Variants in HTR1F observed in about 807,000 individuals in gnomAD.
HTR1F encodes the protein 5-hydroxytryptamine receptor 1F.
HTR1F carries 17 observed loss-of-function variants against 24.0 expected under a neutral mutation model. The observed-to-expected ratio is 0.71, with a 90% CI of 0.48 to 1.06. The LOEUF (loss-of-function observed/expected upper bound fraction) is 1.06, where lower values mean the gene tolerates loss of function less well. Ranked by LOEUF, HTR1F falls within the 50% of genes least tolerant of loss-of-function variation. The pLI is 0.00. For synonymous variants in HTR1F, 186 were observed against 156.8 expected (o/e 1.19, Z -1.39); for missense variants, 391 against 427.8 (o/e 0.91, Z 0.76).
intron 1 of HTR1F, among the ~76,000 whole-genome samples, chr3:87,819,351 TG>T (rs1245580436): frequency 2.0e-5 from 3 of 151,936 alleles, no homozygotes. Flanking sequence ...TTTTTTTTTT[TG>T]CTTAACTTTG....
intron 2 of HTR1F, among the ~76,000 whole-genome samples, chr3:87,873,129 CACACAGAG>C (rs1575971557): frequency 8.9e-6 from 1 of 111,916 alleles, no homozygotes; most frequent in East Asian, 3.0e-4. Flanking sequence ...CACACACACA[CACACAGAG>C]AGATTTATGA....
At chr3:87,929,089 G>A (rs947880950) in intron 2 of HTR1F, among the ~76,000 whole-genome samples, 1 of 152,198 alleles carries the variant, frequency 6.6e-6, no homozygotes. Flanking sequence ...CATTTGATGA[G>A]TAAGAAATTA....
intron 1 of HTR1F, among the ~76,000 whole-genome samples, chr3:87,818,656 C>G (rs1704295218): frequency 2.0e-5 from 3 of 152,188 alleles, no homozygotes; most frequent in Admixed American, 2.0e-4. Flanking sequence ...TTGCTTCTCT[C>G]AAATTATGCT....
chr3:87,892,529 C>T (rs1412247548), intron 2 of HTR1F, among the ~76,000 whole-genome samples: 1 of 152,126 alleles, frequency 6.6e-6, no homozygotes, highest in East Asian at 1.9e-4. Flanking sequence ...ACTTCTCTGA[C>T]CTTCAGTTTT....
chr3:87,838,322 AT>A (rs1247727216), intron 2 of HTR1F, among the ~76,000 whole-genome samples: 1 of 152,020 alleles, frequency 6.6e-6, no homozygotes, highest in Non-Finnish European at 1.5e-5. Flanking sequence ...GTTGTCCTGT[AT>A]TCCACCCTTG....
chr3:87,928,829 A>G (rs991938579), intron 2 of HTR1F, among the ~76,000 whole-genome samples: 8 of 152,218 alleles, frequency 5.3e-5, no homozygotes, highest in African/African-American at 1.9e-4. Context: ...AAAAAGAAAT[A>G]TACATTTTGT....
intron 2 of HTR1F, among the ~76,000 whole-genome samples, chr3:87,910,780 C>T (rs1341620922): frequency 6.6e-6 from 1 of 152,026 alleles, no homozygotes; most frequent in African/African-American, 2.4e-5. Flanking sequence ...TACTCTTGGA[C>T]TCCAGTGCAA....
At chr3:87,980,576 G>A (rs2082226) in intron 2 of HTR1F, among the ~76,000 whole-genome samples, 35,976 of 152,078 alleles carry the variant, frequency 0.24, 5,337 homozygotes, top group Non-Finnish European at 0.33. Context: ...GACCATCCCT[G>A]GCTTGAACAT....
Position 87,845,172 on chromosome 3 carries a change from C to A in HTR1F, c.-43+23048C>A, listed in dbSNP as rs576550918. Among the ~76,000 whole-genome samples, 7 of 151,666 alleles carry A rather than the reference C, an allele frequency of 4.6e-5. No homozygotes were observed. In the East Asian group the frequency reaches 1.4e-3, roughly 29 times the overall value. On this transcript the variant is annotated intron_variant, in intron 2 of 2. Coordinates refer to ENST00000319595, the MANE Select transcript of HTR1F (RefSeq NM_001322209.2). ...GAAGCATTCCCTTTGAAAACTGGCA[C>A]AAGACAGGGATGCCCTCTCTCACCA...
intron 2 of HTR1F, among the ~76,000 whole-genome samples, chr3:87,881,030 T>G (rs890686019): frequency 6.6e-6 from 1 of 152,182 alleles, no homozygotes; most frequent in African/African-American, 2.4e-5. Context: ...ACGGGTGATT[T>G]CTGCATTTCC....
intron 2 of HTR1F, among the ~76,000 whole-genome samples, chr3:87,826,067 G>C (rs1307517356): frequency 6.6e-6 from 1 of 152,196 alleles, no homozygotes; most frequent in Non-Finnish European, 1.5e-5. Flanking sequence ...ATGCTCACTA[G>C]AGGATAATTT....
intron 2 of HTR1F, among the ~76,000 whole-genome samples, chr3:87,894,939 C>T (rs2932274): frequency 0.38 from 57,862 of 151,910 alleles, 15,519 homozygotes; most frequent in African/African-American, 0.77. Flanking sequence ...GTTAGCGTGA[C>T]GCCTGGCTCA....
chr3:87,884,461 C>T (rs1348970112), intron 2 of HTR1F, among the ~76,000 whole-genome samples: 2 of 152,142 alleles, frequency 1.3e-5, no homozygotes. Context: ...AAAGAACCAG[C>T]TAACATCATA....
intron 2 of HTR1F, among the ~76,000 whole-genome samples, chr3:87,973,838 C>T (rs144642621): frequency 2.8e-4 from 43 of 152,232 alleles, no homozygotes; most frequent in African/African-American, 8.2e-4. Flanking sequence ...GAAATACCGA[C>T]GGCACGCTTA....
intron 1 of HTR1F, among the ~76,000 whole-genome samples, chr3:87,804,713 C>T (rs538992055): frequency 2.0e-5 from 3 of 152,048 alleles, no homozygotes; most frequent in African/African-American, 7.2e-5. Flanking sequence ...AAATTTTCCC[C>T]TCTGTTGATG....
chr3:87,793,943 A>G (rs1479063393), intron 1 of HTR1F, among the ~76,000 whole-genome samples: 1 of 148,114 alleles, frequency 6.8e-6, no homozygotes, highest in Non-Finnish European at 1.5e-5. Context: ...TTACAATTTG[A>G]TTAAATTTTA....
At chr3:87,808,525 C>A (rs1393865698) in intron 1 of HTR1F, among the ~76,000 whole-genome samples, 1 of 151,250 alleles carries the variant, frequency 6.6e-6, no homozygotes, top group Non-Finnish European at 1.5e-5. Flanking sequence ...GTTAATCCAT[C>A]AAGTGATTTA....
chr3:87,980,061 C>T (rs1366144538), intron 2 of HTR1F, among the ~76,000 whole-genome samples: 1 of 152,220 alleles, frequency 6.6e-6, no homozygotes, highest in Non-Finnish European at 1.5e-5. Context: ...TGGCAAGCAG[C>T]AGGGTGTGTT....
At chr3:87,917,064 C>G (rs1703909927) in intron 2 of HTR1F, among the ~76,000 whole-genome samples, 2 of 151,854 alleles carry the variant, frequency 1.3e-5, no homozygotes, top group South Asian at 4.1e-4. Context: ...AAAGGAACCT[C>G]CAAAACCATG....
Sources: gnomAD v4.1 joint callset for allele counts (sites outside exome capture counted in the v4.1 genomes callset) on GRCh38, gnomAD v4.1.1 for gene constraint, MANE v1.5 for transcripts, NCBI Gene and HGNC (gene_info 2026-07-23, HGNC 2026-07-21) for gene names.